LSAMP: variants seen among roughly 807,000 people sequenced by gnomAD.
LSAMP encodes the protein limbic system associated membrane protein.
In LSAMP, 7 loss-of-function variants were observed where a neutral mutation model predicts 38.6. The observed-to-expected ratio is 0.18, with a 90% CI of 0.10 to 0.34. The LOEUF (loss-of-function observed/expected upper bound fraction) is 0.34. LSAMP is among the 10% of genes least tolerant of loss of function. The probability of loss-of-function intolerance (pLI) is 1.00; values close to 1 mark genes in which losing one functional copy is unlikely to be tolerated. For synonymous variants in LSAMP, 154 were observed against 166.8 expected (o/e 0.92, Z 0.59); for missense variants, 313 against 420.0 (o/e 0.75, Z 2.23).
chr3:116,082,950 C>T (rs1222052351), intron 2 of LSAMP, among the ~76,000 whole-genome samples: 1 of 152,028 alleles, frequency 6.6e-6, no homozygotes, highest in Non-Finnish European at 1.5e-5. Flanking sequence ...AAGCTTAATA[C>T]CTGAGTGATG....
chr3:116,146,767 C>CT (rs961873579), intron 1 of LSAMP, among the ~76,000 whole-genome samples: 1 of 151,800 alleles, frequency 6.6e-6, no homozygotes, highest in Non-Finnish European at 1.5e-5. Context: ...TAGGACTGTT[C>CT]TGTGTGGTTC....
intron 2 of LSAMP, among the ~76,000 whole-genome samples, chr3:116,072,818 T>C (rs1707644598): frequency 1.4e-5 from 2 of 144,730 alleles, no homozygotes; most frequent in African/African-American, 2.5e-5. Flanking sequence ...CTTTGTCAAA[T>C]GGATAGATTG....
intron 1 of LSAMP, among the ~76,000 whole-genome samples, chr3:116,120,292 G>GT (rs1708846389): frequency 6.6e-6 from 1 of 152,066 alleles, no homozygotes. Flanking sequence ...AATTTACGGC[G>GT]TAAGACATAA....
At chr3:116,159,086 AC>A (rs1283160064) in intron 1 of LSAMP, among the ~76,000 whole-genome samples, 1 of 152,210 alleles carries the variant, frequency 6.6e-6, no homozygotes, top group Non-Finnish European at 1.5e-5. Flanking sequence ...CCTTCTTTAC[AC>A]CATATACAAA....
At chr3:116,403,654 A>C (rs528845228) in intron 1 of LSAMP, among the ~76,000 whole-genome samples, 1 of 152,314 alleles carries the variant, frequency 6.6e-6, no homozygotes, top group African/African-American at 2.4e-5. Flanking sequence ...TTATTATTTT[A>C]CATATTTTCT....
At chr3:116,059,379 C>T (rs757169955) in intron 2 of LSAMP, among the ~76,000 whole-genome samples, 4 of 152,144 alleles carry the variant, frequency 2.6e-5, no homozygotes, top group Non-Finnish European at 5.9e-5. Flanking sequence ...TCCTTTAGCT[C>T]TGCTTCTTTT....
intron 1 of LSAMP, among the ~76,000 whole-genome samples, chr3:116,104,605 T>C (rs1708420483): frequency 6.6e-6 from 1 of 152,148 alleles, no homozygotes; most frequent in Non-Finnish European, 1.5e-5. Flanking sequence ...TAAAACAACA[T>C]AAAAGGTCAG....
At chr3:116,375,878 A>T (rs950761397) in intron 1 of LSAMP, among the ~76,000 whole-genome samples, 4 of 152,044 alleles carry the variant, frequency 2.6e-5, no homozygotes, top group African/African-American at 9.7e-5. Flanking sequence ...TTTGTATAAA[A>T]ACACTTCAAA....
At chr3:116,273,089 A>C (rs2046995293) in intron 1 of LSAMP, among the ~76,000 whole-genome samples, 1 of 152,154 alleles carries the variant, frequency 6.6e-6, no homozygotes, top group African/African-American at 2.4e-5. Context: ...GCACTTAATA[A>C]TTTCAGAAAG....
intron 3 of LSAMP, among the ~76,000 whole-genome samples, chr3:115,872,177 T>C (rs1423651554): frequency 6.6e-6 from 1 of 152,078 alleles, no homozygotes; most frequent in Admixed American, 6.5e-5. Context: ...CAAGAATGGG[T>C]GAAGAAGTGA....
intron 1 of LSAMP, among the ~76,000 whole-genome samples, chr3:116,193,977 A>T (rs572656570): frequency 6.6e-6 from 1 of 152,352 alleles, no homozygotes; most frequent in Admixed American, 6.5e-5. Flanking sequence ...TTGCTAAGTC[A>T]TGATGAGTTT....
rs1424710578 is a variant in LSAMP, at chr3:116,171,174, A to C, written c.156-84618T>G. On this transcript the variant is annotated intron_variant, in intron 1 of 6. Transcript: ENST00000490035. ...CATTCCACATTGGATTGTTGTGATG[A>C]TTACATGGGTTAATACAAATCATGT... Among the ~76,000 whole-genome samples the C allele has an allele frequency of 2.6e-5, 4 of 152,126 alleles. No individual in the cohort carries two copies. In the East Asian group the frequency reaches 7.7e-4, roughly 29 times the overall value.
At chr3:115,930,196 C>A (rs1937559870) in intron 3 of LSAMP, among the ~76,000 whole-genome samples, 2 of 151,824 alleles carry the variant, frequency 1.3e-5, no homozygotes, top group Admixed American at 6.6e-5. Flanking sequence ...CTCTTCTCAG[C>A]ACATTGAATT....
chr3:116,181,916 C>T (rs1341455640), intron 1 of LSAMP, among the ~76,000 whole-genome samples: 3 of 151,932 alleles, frequency 2.0e-5, no homozygotes, highest in Non-Finnish European at 4.4e-5. Flanking sequence ...ATAAAGATCA[C>T]CCAGGTAACT....
At chr3:115,974,716 C>T (rs1405921553) in intron 3 of LSAMP, among the ~76,000 whole-genome samples, 2 of 152,256 alleles carry the variant, frequency 1.3e-5, no homozygotes, top group East Asian at 3.9e-4. Context: ...AATGACTAAT[C>T]TCATCTTGTC....
chr3:115,931,989 AG>A (rs1426037329), intron 3 of LSAMP, among the ~76,000 whole-genome samples: 1 of 152,200 alleles, frequency 6.6e-6, no homozygotes, highest in Non-Finnish European at 1.5e-5. Flanking sequence ...AAGATGAAAC[AG>A]GCCATGTTAT....
At chr3:116,270,352 T>G (rs529708073) in intron 1 of LSAMP, among the ~76,000 whole-genome samples, 1 of 152,224 alleles carries the variant, frequency 6.6e-6, no homozygotes, top group East Asian at 1.9e-4. Context: ...AACATCCTTC[T>G]GCCCAGTACA....
At chr3:115,991,988 C>A (rs1408675416) in intron 3 of LSAMP, among the ~76,000 whole-genome samples, 1 of 152,006 alleles carries the variant, frequency 6.6e-6, no homozygotes, top group Non-Finnish European at 1.5e-5. Flanking sequence ...TAGATTTTTT[C>A]CCCCTCAATT....
At chr3:116,035,586 T>C (rs1210231112) in intron 2 of LSAMP, among the ~76,000 whole-genome samples, 3 of 152,172 alleles carry the variant, frequency 2.0e-5, no homozygotes, top group African/African-American at 2.4e-5. Context: ...ATTCTCCTAA[T>C]TGATGCAAAA....
Sources: allele counts gnomAD v4.1 joint callset (sites outside exome capture counted in the v4.1 genomes callset), GRCh38; gene constraint gnomAD v4.1.1; transcripts MANE v1.5; gene names NCBI Gene and HGNC (gene_info 2026-07-23, HGNC 2026-07-21).